DAPP1: variants seen among roughly 807,000 people sequenced by gnomAD.
The protein encoded by DAPP1 is dual adapter for phosphotyrosine and 3-phosphotyrosine and 3-phosphoinositide.
A neutral mutation model predicts 41.5 loss-of-function variants in DAPP1; 20 were observed. The observed-to-expected ratio is 0.48, with a 90% CI of 0.34 to 0.70. The LOEUF (loss-of-function observed/expected upper bound fraction) is 0.70, where lower values mean the gene tolerates loss of function less well. Among genes scored for constraint, DAPP1 ranks in the 30% least tolerant of loss-of-function variants. The pLI is 0.01. For missense variants in DAPP1, 233 were observed against 333.4 expected (o/e 0.70, Z 2.35); for synonymous variants, 113 against 116.2 (o/e 0.97, Z 0.18).
chr4:99,846,103 A>C (rs1049573238), intron 3 of DAPP1, among the ~76,000 whole-genome samples: 3 of 152,198 alleles, frequency 2.0e-5, no homozygotes, highest in Non-Finnish European at 4.4e-5. Context: ...TTTCCTTTAT[A>C]AATGAAGAAA....
chr4:99,824,779 T>A (rs1166628635), intron 1 of DAPP1, among the ~76,000 whole-genome samples: 1 of 152,242 alleles, frequency 6.6e-6, no homozygotes, highest in Non-Finnish European at 1.5e-5. Flanking sequence ...TTTCATTCCC[T>A]GCCTAGTCAT....
At chr4:99,863,144 ATC>A in intron 6 of DAPP1, 72 bp downstream of exon 6, 1 of 916,324 alleles carries the variant, frequency 1.1e-6, no homozygotes, top group Non-Finnish European at 1.6e-6. Context: ...GGTCTTTAAA[ATC>A]TCTGAAATTA....
At chr4:99,871,411 C>CT (rs200068749), downstream of DAPP1, among the ~76,000 whole-genome samples, 154 of 149,986 alleles carry the variant, frequency 1.0e-3, 1 homozygote, top group Middle Eastern at 3.4e-3. Flanking sequence ...ATCTTATTTT[C>CT]TTTTTTTTTT....
intron 5 of DAPP1, among the ~76,000 whole-genome samples, chr4:99,862,282 A>C (rs963122468): frequency 6.6e-5 from 10 of 152,210 alleles, no homozygotes; most frequent in Non-Finnish European, 1.3e-4. Context: ...CTGAGGACAG[A>C]GAGTATTCAT....
intron 3 of DAPP1, among the ~76,000 whole-genome samples, chr4:99,852,903 A>T (rs922559784): frequency 8.5e-5 from 13 of 152,134 alleles, no homozygotes; most frequent in African/African-American, 3.1e-4. Context: ...AGGTTCTTCA[A>T]GCAGTCTGGG....
chr4:99,825,554 G>A (rs1182350892), intron 1 of DAPP1, among the ~76,000 whole-genome samples: 2 of 152,174 alleles, frequency 1.3e-5, no homozygotes, highest in African/African-American at 4.8e-5. Flanking sequence ...GGGGCAGCTG[G>A]TCTCACCATT....
chr4:99,831,136 A>AT (rs1186820757), intron 1 of DAPP1, among the ~76,000 whole-genome samples: 1 of 152,174 alleles, frequency 6.6e-6, no homozygotes, highest in Non-Finnish European at 1.5e-5. Context: ...ATGTAAGCAT[A>AT]TTTTTGTTGT....
chr4:99,834,620 A>G (rs1163779581), intron 1 of DAPP1, among the ~76,000 whole-genome samples: 1 of 152,186 alleles, frequency 6.6e-6, no homozygotes, highest in Non-Finnish European at 1.5e-5. Flanking sequence ...ACACTTGAAA[A>G]AGAGTGTGAG....
chr4:99,843,738 GT>G (rs759061415), intron 3 of DAPP1, among the ~76,000 whole-genome samples: 1 of 152,100 alleles, frequency 6.6e-6, no homozygotes, highest in Non-Finnish European at 1.5e-5. Flanking sequence ...ATTCACTTAT[GT>G]TTTTTAAAAA....
At chr4:99,838,753 A>C (rs1235962018) in intron 2 of DAPP1, among the ~76,000 whole-genome samples, 2 of 152,264 alleles carry the variant, frequency 1.3e-5, no homozygotes, top group Non-Finnish European at 2.9e-5. Context: ...TCCCTGCTGT[A>C]GAAGATTGAA....
intron 8 of DAPP1, chr4:99,866,563 G>T (rs1268928186): frequency 1.3e-6 from 1 of 766,226 alleles, no homozygotes; most frequent in East Asian, 2.4e-5. Context: ...GCAGGTCAAG[G>T]ACAAAAGCTG....
At chr4:99,834,642 A>G (rs1723234203) in intron 1 of DAPP1, among the ~76,000 whole-genome samples, 1 of 152,218 alleles carries the variant, frequency 6.6e-6, no homozygotes, top group South Asian at 2.1e-4. Flanking sequence ...GACCAAAAAA[A>G]GAAGGAAATT....
At chr4:99,821,980 G>A (rs531441121) in intron 1 of DAPP1, among the ~76,000 whole-genome samples, 53 of 152,308 alleles carry the variant, frequency 3.5e-4, no homozygotes, top group Non-Finnish European at 6.6e-4. Flanking sequence ...AGTGGAACCT[G>A]TTTACAGCGG....
At chr4:99,840,944 A>G (rs1723474409) in intron 3 of DAPP1, among the ~76,000 whole-genome samples, 1 of 152,226 alleles carries the variant, frequency 6.6e-6, no homozygotes, top group Non-Finnish European at 1.5e-5. Context: ...TTGAATGGTT[A>G]GAGAATTAAA....
At chr4:99,852,290 C>T (rs1409014024) in intron 3 of DAPP1, among the ~76,000 whole-genome samples, 1 of 152,106 alleles carries the variant, frequency 6.6e-6, no homozygotes, top group African/African-American at 2.4e-5. Context: ...CAATCTTAGG[C>T]TTGCTATAGA....
At chr4:99,854,848 C>T (rs74762590) in intron 4 of DAPP1, among the ~76,000 whole-genome samples, 11 of 152,330 alleles carry the variant, frequency 7.2e-5, no homozygotes, top group Admixed American at 2.0e-4. Context: ...AATTACCATG[C>T]TGTGGGCTAA....
intron 1 of DAPP1, among the ~76,000 whole-genome samples, chr4:99,824,117 T>G (rs1007100455): frequency 6.6e-6 from 1 of 152,200 alleles, no homozygotes; most frequent in African/African-American, 2.4e-5. Context: ...CAGATACTCT[T>G]GAAACCATTT....
intron 4 of DAPP1, among the ~76,000 whole-genome samples, chr4:99,857,701 TACACACACAC>T (rs140943788): frequency 0.076 from 10,825 of 143,104 alleles, 472 homozygotes; most frequent in Non-Finnish European, 0.11. Context: ...TGTATGTATA[TACACACACAC>T]ACACACACAC....
intron 2 of DAPP1, among the ~76,000 whole-genome samples, chr4:99,837,994 G>C (rs1196070479): frequency 6.6e-6 from 1 of 152,142 alleles, no homozygotes; most frequent in Non-Finnish European, 1.5e-5. Flanking sequence ...CTACTGATCT[G>C]ATAGGAGGTG....
Sources: allele counts gnomAD v4.1 joint callset (sites outside exome capture counted in the v4.1 genomes callset), GRCh38; gene constraint gnomAD v4.1.1; transcripts MANE v1.5; gene names NCBI Gene and HGNC (gene_info 2026-07-23, HGNC 2026-07-21).